The following DAG1 variants were observed in gnomAD, a reference collection of about 807,000 sequenced individuals.
The protein encoded by DAG1 is dystroglycan 1 (dystrophin-associated glycoprotein 1).
A neutral mutation model predicts 46.1 loss-of-function variants in DAG1; 8 were observed. The ratio of observed to expected loss-of-function variants is 0.17; its 90% CI spans 0.10 to 0.31. The LOEUF is 0.31. Among genes scored for constraint, DAG1 ranks in the 10% least tolerant of loss-of-function variants. The probability of loss-of-function intolerance (pLI) is 1.00; values close to 1 mark genes in which losing one functional copy is unlikely to be tolerated. For synonymous variants in DAG1, 495 were observed against 481.8 expected, an observed-to-expected ratio of 1.03 and a Z score of -0.36; for missense variants, 1,003 against 1,189.9, an observed-to-expected ratio of 0.84 and a Z score of 2.31.
At chr3:49,512,745 A>G (rs2050797244) in intron 2 of DAG1, among the ~76,000 whole-genome samples, 1 of 144,414 alleles carries the variant, frequency 6.9e-6, no homozygotes, top group African/African-American at 2.5e-5. Context: ...AGGGAGGCAG[A>G]TTGCTTGAGC....
At chr3:49,488,321 G>A (rs945925357) in intron 1 of DAG1, among the ~76,000 whole-genome samples, 1 of 152,146 alleles carries the variant, frequency 6.6e-6, no homozygotes, top group Non-Finnish European at 1.5e-5. Context: ...GAGAAAAGTC[G>A]TTTGTATCTT....
chr3:49,510,373 C>A (rs1053430688), intron 1 of DAG1, 46 bp from the exon 2 acceptor site: 1 of 704,096 alleles, frequency 1.4e-6, no homozygotes, highest in African/African-American at 1.8e-5. Flanking sequence ...TGTGACTGAA[C>A]CACTGGAATT....
chr3:49,491,986 G>T (rs1388935438), intron 1 of DAG1, among the ~76,000 whole-genome samples: 1 of 151,204 alleles, frequency 6.6e-6, no homozygotes, highest in African/African-American at 2.4e-5. Context: ...GAGTGCAGTG[G>T]TGAGATCTCG....
At chr3:49,505,331 G>A (rs1440107609) in intron 1 of DAG1, among the ~76,000 whole-genome samples, 2 of 151,788 alleles carry the variant, frequency 1.3e-5, no homozygotes, top group African/African-American at 2.4e-5. Context: ...CAAACTCCTG[G>A]GTTCCTCCGT....
chr3:49,487,360 T>TGGGAGGA (rs1418186689), intron 1 of DAG1: 71 of 152,372 alleles, frequency 4.7e-4, no homozygotes, highest in African/African-American at 1.6e-3. Flanking sequence ...GCTGGGCTCC[T>TGGGAGGA]GCATTCCTCC....
At chr3:49,506,481 T>A (rs2050609981) in intron 1 of DAG1, among the ~76,000 whole-genome samples, 2 of 152,322 alleles carry the variant, frequency 1.3e-5, no homozygotes, top group South Asian at 4.1e-4. Context: ...TCTGTTCCTA[T>A]TTGTCTGAGA....
intron 1 of DAG1, among the ~76,000 whole-genome samples, chr3:49,507,618 TTTTC>T (rs933775394): frequency 6.6e-5 from 10 of 151,762 alleles, no homozygotes; most frequent in Non-Finnish European, 1.3e-4. Flanking sequence ...AATATTTTTC[TTTTC>T]TTTTTTTTCT....
At chr3:49,525,615 T>G (rs2051148777) in intron 2 of DAG1, among the ~76,000 whole-genome samples, 1 of 151,584 alleles carries the variant, frequency 6.6e-6, no homozygotes, top group South Asian at 2.1e-4. Flanking sequence ...TGGAGTGCCG[T>G]GGCGTGATCT....
At chr3:49,475,101 C>A (rs551004221) in intron 1 of DAG1, among the ~76,000 whole-genome samples, 1 of 151,644 alleles carries the variant, frequency 6.6e-6, no homozygotes, top group South Asian at 2.1e-4. Context: ...CGTGAGCCAC[C>A]GTGCCCGGTT....
Position 49,476,074 on chromosome 3 carries a change from A to G in DAG1, c.-117+5641A>G, listed in dbSNP as rs562018126. Reference sequence around the variant, plus strand: ...CAGGGTAGAAAGATGGATGAGATGCATTAGTAGAAGATCATAAACTGAGGG... The same window carrying G: ...CAGGGTAGAAAGATGGATGAGATGCGTTAGTAGAAGATCATAAACTGAGGG... On this transcript the variant is annotated intron_variant, in intron 1 of 2. Coordinates refer to ENST00000308775, the MANE Select transcript of DAG1 (RefSeq NM_004393.6). Among the ~76,000 whole-genome samples, 4 of 152,222 alleles carry G rather than the reference A, an allele frequency of 2.6e-5. No individual in the cohort carries two copies. In the South Asian group the frequency reaches 8.3e-4, roughly 32 times the overall value.
Position 49,533,374 on chromosome 3 carries a change from A to C in DAG1, c.*175A>C. On this transcript the variant is annotated 3_prime_UTR_variant, in exon 3 of 3. Transcript: ENST00000308775. ...CCCTCTCTGGTCCTCCCAAACCCCA[A>C]AGCAGCTGGAGAGACTTTGGGGACT... The C allele has an allele frequency of 2.1e-6, 2 of 936,954 alleles. No homozygotes were observed. Among genetic ancestry groups the C allele is most frequent in the Non-Finnish European group, 3.3e-6 (2 of 599,998 alleles). 58.0% of individuals were successfully genotyped at this position (936,954 alleles called of 1,614,324 possible).
intron 1 of DAG1, among the ~76,000 whole-genome samples, chr3:49,500,140 G>A (rs2050408769): frequency 6.8e-6 from 1 of 147,184 alleles, no homozygotes; most frequent in African/African-American, 2.5e-5. Flanking sequence ...AGCCTCCCGA[G>A]TAGCTGGGAT....
chr3:49,518,785 A>G (rs2050958966), intron 2 of DAG1, among the ~76,000 whole-genome samples: 1 of 152,222 alleles, frequency 6.6e-6, no homozygotes. Flanking sequence ...GACGTGTGAG[A>G]AGGGGCTATG....
At chr3:49,513,709 G>A (rs1197122046) in intron 2 of DAG1, among the ~76,000 whole-genome samples, 1 of 152,160 alleles carries the variant, frequency 6.6e-6, no homozygotes, top group East Asian at 1.9e-4. Context: ...CCATGTAGCA[G>A]CTCACATGTA....
rs370669533 is a variant in DAG1 at position 49,532,219 on chromosome 3, G to A, written c.1708G>A (p.Val570Met). The change falls in exon 3 of 3, where the codon GTG (valine) becomes ATG (methionine). Residue 570 changes from valine (V) to methionine (M), a missense_variant. By Grantham distance (21) the Val-to-Met change is conservative. Transcript: ENST00000308775. The surrounding 1 kb of genome is among the most constrained non-coding windows in gnomAD (Gnocchi z 5.4). ...GTATGGCCTTCCCGACAGCAGCCAC[G>A]TGGGCAAACACGAGTATTTCATGCA... ...LMYGLPDSSH[V>M]GKHEYFMHAT... 178 of 1,614,088 alleles carry A rather than the reference G, an allele frequency of 1.1e-4. No homozygotes were observed. The highest frequency in any genetic ancestry group is 1.4e-4 in the Non-Finnish European group (164 of 1,179,910).
At chr3:49,481,414 AAAG>A (rs1235540376) in intron 1 of DAG1, among the ~76,000 whole-genome samples, 1 of 151,834 alleles carries the variant, frequency 6.6e-6, no homozygotes, top group Non-Finnish European at 1.5e-5. Flanking sequence ...AAAAAAAAAA[AAAG>A]TGAATTGTGA....
chr3:49,517,226 CT>C, intron 2 of DAG1, among the ~76,000 whole-genome samples: 1 of 152,084 alleles, frequency 6.6e-6, no homozygotes, highest in Non-Finnish European at 1.5e-5. Context: ...ATCTCCTGAC[CT>C]TGTGGTCCGC....
intron 2 of DAG1, among the ~76,000 whole-genome samples, chr3:49,521,284 C>T (rs1296120059): frequency 6.6e-6 from 1 of 152,106 alleles, no homozygotes. Context: ...CTGCCTCAGC[C>T]TCCCAAGTAG....
Position 49,489,804 on chromosome 3 carries a change from T to C in DAG1, c.-117+19371T>C, listed in dbSNP as rs566173573. Among the ~76,000 whole-genome samples the C allele has an allele frequency of 4.1e-3, 622 of 152,254 alleles. 6 individuals carry two copies. The highest frequency in any genetic ancestry group is 6.8e-3 in the Middle Eastern group (2 of 294). On this transcript the variant is annotated intron_variant, in intron 1 of 2. Coordinates refer to ENST00000308775, the MANE Select transcript of DAG1 (RefSeq NM_004393.6). ...CTTCCCTTCGTAAACTTGGGAGGGC[T>C]TGGGACCTGGTGGGGTATGTGTTTT... is the stretch of plus-strand genomic sequence containing the variant.
Sources: gnomAD v4.1 joint callset for allele counts (sites outside exome capture counted in the v4.1 genomes callset) on GRCh38, gnomAD v4.1.1 for gene constraint, Gnocchi (gnomAD v3.1) non-coding constraint, MANE v1.5 for transcripts, NCBI Gene and HGNC (gene_info 2026-07-23, HGNC 2026-07-21) for gene names.